Variants in BICC1 observed in about 807,000 individuals in gnomAD.
BICC1 encodes the protein BicC family RNA binding protein 1, also known as protein bicaudal C homolog 1.
Under a neutral mutation model 111.0 loss-of-function variants are expected in BICC1, and 43 were observed. The observed-to-expected ratio is 0.39, with a 90% CI of 0.30 to 0.50. The LOEUF is 0.50. Ranked by LOEUF, BICC1 falls within the 20% of genes least tolerant of loss-of-function variation. BICC1 has a pLI of 0.88. For missense variants in BICC1, 1,091 were observed against 1,203.2 expected (o/e 0.91, Z 1.38); for synonymous variants, 467 against 434.4 (o/e 1.07, Z -0.93).
chr10:58,571,787 G>C (rs1658425), intron 1 of BICC1, among the ~76,000 whole-genome samples: 76,752 of 151,738 alleles, frequency 0.51, 19,658 homozygotes, highest in Admixed American at 0.65. Context: ...GTGAAAAATG[G>C]CGCAGTGAAC....
At chr10:58,541,680 T>G (rs1193881556) in intron 1 of BICC1, among the ~76,000 whole-genome samples, 2 of 152,094 alleles carry the variant, frequency 1.3e-5, no homozygotes, top group African/African-American at 4.8e-5. Context: ...AGCAGTGTTA[T>G]TTTTTGCAGA....
intron 2 of BICC1, among the ~76,000 whole-genome samples, chr10:58,648,208 G>A (rs1838328492): frequency 6.6e-6 from 1 of 152,200 alleles, no homozygotes; most frequent in Non-Finnish European, 1.5e-5. Flanking sequence ...GAGCATGGCT[G>A]AAGCCGTCTG....
intron 2 of BICC1, among the ~76,000 whole-genome samples, chr10:58,647,960 T>A (rs1476099507): frequency 6.6e-6 from 1 of 152,240 alleles, no homozygotes; most frequent in African/African-American, 2.4e-5. Context: ...GAGAATACAC[T>A]GCATTAGTAA....
At chr10:58,758,208 T>A (rs1426706192) in intron 3 of BICC1, among the ~76,000 whole-genome samples, 2 of 152,240 alleles carry the variant, frequency 1.3e-5, no homozygotes, top group Non-Finnish European at 2.9e-5. Flanking sequence ...CCAGTTCATA[T>A]AAACACTTAC....
chr10:58,610,747 A>G lies in BICC1; in HGVS notation c.191-10108A>G, dbSNP rs570659252. ...TTAAACAGCCTAGAATTGGAAATGTATGCATATACATTTTTCTTTTTGCGG... is the reference window on the plus strand; with the variant it reads ...TTAAACAGCCTAGAATTGGAAATGTGTGCATATACATTTTTCTTTTTGCGG... On this transcript the variant is annotated intron_variant, in intron 1 of 20. Coordinates refer to ENST00000373886, the MANE Select transcript of BICC1 (RefSeq NM_001080512.3). Among the ~76,000 whole-genome samples, 35 of 152,062 alleles carry G rather than the reference A, an allele frequency of 2.3e-4. No homozygotes were observed. The South Asian group carries it at 6.0e-3, about 26-fold the overall frequency.
At chr10:58,794,982 T>A (rs1211778580) in intron 9 of BICC1, among the ~76,000 whole-genome samples, 1 of 152,206 alleles carries the variant, frequency 6.6e-6, no homozygotes, top group African/African-American at 2.4e-5. Flanking sequence ...TGGCAGCATT[T>A]TTGTGTATAT....
intron 2 of BICC1, among the ~76,000 whole-genome samples, chr10:58,682,275 C>A (rs577491190): frequency 7.9e-5 from 12 of 152,180 alleles, no homozygotes; most frequent in African/African-American, 2.9e-4. Flanking sequence ...CATTGATGAA[C>A]ATTTGGGTTG....
At chr10:58,768,400 CA>C (rs763241752) in intron 3 of BICC1, among the ~76,000 whole-genome samples, 8 of 152,130 alleles carry the variant, frequency 5.3e-5, no homozygotes, top group Admixed American at 1.3e-4. Flanking sequence ...TTATCCCAGA[CA>C]AACAAAAGCT....
chr10:58,739,664 T>G (rs1841590978), intron 3 of BICC1, among the ~76,000 whole-genome samples: 1 of 152,222 alleles, frequency 6.6e-6, no homozygotes, highest in South Asian at 2.1e-4. Flanking sequence ...AACACTTTTG[T>G]TGTTAGAACC....
At chr10:58,702,552 T>G (rs1453756290) in intron 3 of BICC1, among the ~76,000 whole-genome samples, 1 of 152,102 alleles carries the variant, frequency 6.6e-6, no homozygotes, top group Non-Finnish European at 1.5e-5. Flanking sequence ...ACCTTAGATT[T>G]CAGGTCTCGA....
chr10:58,524,801 C>T (rs186778008), intron 1 of BICC1, among the ~76,000 whole-genome samples: 1 of 152,282 alleles, frequency 6.6e-6, no homozygotes, highest in Admixed American at 6.5e-5. Flanking sequence ...AAAATTTTTG[C>T]AATCTACTCA....
chr10:58,576,398 C>T (rs917011427), intron 1 of BICC1, among the ~76,000 whole-genome samples: 1 of 151,578 alleles, frequency 6.6e-6, no homozygotes, highest in African/African-American at 2.4e-5. Flanking sequence ...CAAGTTACTA[C>T]AAGAATTTCT....
intron 20 of BICC1, among the ~76,000 whole-genome samples, chr10:58,826,038 A>G (rs1445181451): frequency 6.6e-6 from 1 of 152,158 alleles, no homozygotes; most frequent in African/African-American, 2.4e-5. Flanking sequence ...TGCTGCAGCT[A>G]GACCTGCAGA....
chr10:58,675,476 G>T (rs1171747958), intron 2 of BICC1, among the ~76,000 whole-genome samples: 1 of 152,126 alleles, frequency 6.6e-6, no homozygotes, highest in Non-Finnish European at 1.5e-5. Flanking sequence ...AACAACAAGG[G>T]TGAACCTCTA....
chr10:58,634,745 A>G (rs1192114199), intron 2 of BICC1, among the ~76,000 whole-genome samples: 3 of 152,198 alleles, frequency 2.0e-5, no homozygotes, highest in South Asian at 2.1e-4. Flanking sequence ...AAGCTGAACT[A>G]TTGATAGCCT....
At chr10:58,652,859 G>A (rs1016856448) in intron 2 of BICC1, among the ~76,000 whole-genome samples, 2 of 152,042 alleles carry the variant, frequency 1.3e-5, no homozygotes, top group Non-Finnish European at 2.9e-5. Flanking sequence ...GCACAGAATT[G>A]GAGTTCAGTA....
intron 1 of BICC1, among the ~76,000 whole-genome samples, chr10:58,526,059 A>G (rs1435923269): frequency 2.0e-5 from 3 of 151,880 alleles, no homozygotes; most frequent in Non-Finnish European, 4.4e-5. Context: ...GAATGATGGT[A>G]GTTGCAAAAG....
intron 2 of BICC1, among the ~76,000 whole-genome samples, chr10:58,670,974 G>T (rs796392829): frequency 9.9e-5 from 15 of 152,254 alleles, no homozygotes; most frequent in African/African-American, 3.4e-4. Flanking sequence ...CCATTTATAT[G>T]ATATTCTAGA....
chr10:58,572,452 G>A lies in BICC1; in HGVS notation c.191-48403G>A, dbSNP rs185943139. Among the ~76,000 whole-genome samples, 895 of 152,178 alleles carry A rather than the reference G, an allele frequency of 5.9e-3. 5 individuals carry two copies. The highest frequency in any genetic ancestry group is 0.017 in the Middle Eastern group (5 of 294). On this transcript the variant is annotated intron_variant, in intron 1 of 20. Coordinates refer to ENST00000373886, the MANE Select transcript of BICC1 (RefSeq NM_001080512.3). Reference sequence around the variant, plus strand: ...AGACTTGTTTAATCGAACTGATATGGACAAGCAGTACACTATTTTTATAGA... The same window carrying A: ...AGACTTGTTTAATCGAACTGATATGAACAAGCAGTACACTATTTTTATAGA...
Sources: gnomAD v4.1 joint callset for allele counts (sites outside exome capture counted in the v4.1 genomes callset) on GRCh38, gnomAD v4.1.1 for gene constraint, MANE v1.5 for transcripts, NCBI Gene and HGNC (gene_info 2026-07-23, HGNC 2026-07-21) for gene names.